PLXNA4: variants seen among roughly 807,000 people sequenced by gnomAD.
PLXNA4 encodes the protein plexin-A4.
PLXNA4 carries 44 observed loss-of-function variants against 191.8 expected under a neutral mutation model. The ratio of observed to expected loss-of-function variants is 0.23; its 90% CI spans 0.18 to 0.29. PLXNA4 has a LOEUF of 0.29. PLXNA4 is among the 10% of genes least tolerant of loss of function. PLXNA4 has a pLI of 1.00. For synonymous variants in PLXNA4, 1,082 were observed against 1,009.5 expected, an observed-to-expected ratio of 1.07 and a Z score of -1.36; for missense variants, 1,800 against 2,488.8, an observed-to-expected ratio of 0.72 and a Z score of 5.89.
chr7:132,416,972 G>A (rs368954135), intron 3 of PLXNA4, among the ~76,000 whole-genome samples: 2 of 151,848 alleles, frequency 1.3e-5, no homozygotes, highest in African/African-American at 4.8e-5. Flanking sequence ...AAATTCAACT[G>A]CATTTCAGAT....
At chr7:132,634,905 G>A (rs1440119088) in intron 2 of PLXNA4, among the ~76,000 whole-genome samples, 1 of 152,102 alleles carries the variant, frequency 6.6e-6, no homozygotes. Flanking sequence ...GGAAAGGCAG[G>A]CCCACCCTTA....
At chr7:132,136,633 T>C (rs997990509) in intron 30 of PLXNA4, among the ~76,000 whole-genome samples, 2 of 152,170 alleles carry the variant, frequency 1.3e-5, no homozygotes, top group African/African-American at 4.8e-5. Context: ...TCTGTGGATT[T>C]CTATGGGGTA....
At chr7:132,323,999 G>A (rs1584992479) in intron 3 of PLXNA4, among the ~76,000 whole-genome samples, 1 of 152,122 alleles carries the variant, frequency 6.6e-6, no homozygotes, top group Non-Finnish European at 1.5e-5. Flanking sequence ...GGACCATACC[G>A]AGCTAGGCAG....
chr7:132,568,887 C>T (rs1801851451), intron 1 of PLXNA4, among the ~76,000 whole-genome samples: 2 of 152,214 alleles, frequency 1.3e-5, no homozygotes, highest in African/African-American at 4.8e-5. Flanking sequence ...GTGACGCTTT[C>T]TGCTGTTCCT....
chr7:132,170,432 A>AG (rs1217585936), intron 21 of PLXNA4, among the ~76,000 whole-genome samples: 1 of 152,174 alleles, frequency 6.6e-6, no homozygotes, highest in African/African-American at 2.4e-5. Context: ...GGGTATGAAA[A>AG]GCTGATGCAC....
intron 4 of PLXNA4, among the ~76,000 whole-genome samples, chr7:132,260,946 T>C (rs1799619130): frequency 6.6e-6 from 1 of 151,104 alleles, no homozygotes; most frequent in African/African-American, 2.5e-5. Flanking sequence ...TGGTTGGGAA[T>C]GTTGATAGTG....
At chr7:132,537,506 C>G (rs1251067083) in intron 1 of PLXNA4, among the ~76,000 whole-genome samples, 1 of 152,186 alleles carries the variant, frequency 6.6e-6, no homozygotes, top group African/African-American at 2.4e-5. Flanking sequence ...GTTCCTATTT[C>G]AAAAAAGTTA....
intron 2 of PLXNA4, among the ~76,000 whole-genome samples, chr7:132,638,638 C>G (rs1803656874): frequency 6.6e-6 from 1 of 151,854 alleles, no homozygotes; most frequent in Non-Finnish European, 1.5e-5. Flanking sequence ...GGTGACAGAG[C>G]AAGACTCTGT....
rs777484132 is a variant in PLXNA4, at chr7:132,179,682, A to T, written c.3874+5T>A. 6.8e-6 allele frequency: 11 copies of T among 1,610,368 alleles called. No individual in the cohort carries two copies. Among genetic ancestry groups the T allele is most frequent in the Non-Finnish European group, 9.3e-6 (11 of 1,176,898 alleles). On this transcript the variant is annotated splice_donor_5th_base_variant and intron_variant, in intron 20 of 31. Transcript: ENST00000321063. Reference sequence around the variant, plus strand: ...CATGGCCTCCAGCATGGGGCCACTCAGTACCTTCCTTGCACTCCAGGGCCA... The same window carrying T: ...CATGGCCTCCAGCATGGGGCCACTCTGTACCTTCCTTGCACTCCAGGGCCA...
chr7:132,175,321 A>G (rs1290858193), intron 20 of PLXNA4, among the ~76,000 whole-genome samples: 1 of 152,128 alleles, frequency 6.6e-6, no homozygotes, highest in Non-Finnish European at 1.5e-5. Context: ...GCCATGAGGA[A>G]GAGTCCATTC....
At position 132,595,002 on chromosome 7, in the gene PLXNA4, TAGATAGATAGATAGATAGACAGACAGAC is replaced by T. The variant is rs199947773; in HGVS notation, c.-87+50898_-87+50925del. 1.1e-4 allele frequency among the ~76,000 whole-genome samples: 16 copies of T among 142,156 alleles called. No homozygotes were observed. In the South Asian group the frequency reaches 1.6e-3, roughly 14 times the overall value. The allele number at this position is 142,156 out of a possible 152,430, so 93.3% of individuals were successfully genotyped here. A position where few individuals can be genotyped will look rare whatever the true frequency, so the allele number is the denominator to read the frequency against. The stretch of plus-strand genomic sequence containing the variant: ...ATAGATAGATAGATAGATAGATAGA[TAGATAGATAGATAGATAGACAGACAGAC>T]AGACAGACAGACAGATAGATAGAGA... On this transcript the variant is annotated intron_variant, in intron 2 of 4. Transcript: ENST00000378539.
intron 21 of PLXNA4, among the ~76,000 whole-genome samples, chr7:132,173,511 T>C (rs762735506): frequency 5.3e-5 from 8 of 152,050 alleles, no homozygotes; most frequent in Non-Finnish European, 8.8e-5. Flanking sequence ...AAAGGGAGCC[T>C]CCTCCAGATA....
chr7:132,242,612 G>C (rs934582360), intron 4 of PLXNA4, among the ~76,000 whole-genome samples: 1 of 151,968 alleles, frequency 6.6e-6, no homozygotes, highest in Non-Finnish European at 1.5e-5. Flanking sequence ...ACCACACTGC[G>C]CTTTCACTTC....
At chr7:132,301,194 G>A (rs1310783537) in intron 3 of PLXNA4, among the ~76,000 whole-genome samples, 1 of 152,094 alleles carries the variant, frequency 6.6e-6, no homozygotes, top group Non-Finnish European at 1.5e-5. Flanking sequence ...GAAAACCAAA[G>A]AAAAGCATTA....
chr7:132,588,229 C>T (rs1310660934), intron 2 of PLXNA4, among the ~76,000 whole-genome samples: 3 of 152,158 alleles, frequency 2.0e-5, no homozygotes, highest in African/African-American at 7.2e-5. Context: ...TGCCTAACTA[C>T]ACTGTGGACA....
intron 3 of PLXNA4, chr7:132,384,231 T>A (rs566447492): frequency 1.4e-5 from 14 of 985,340 alleles, no homozygotes; most frequent in Non-Finnish European, 1.7e-5. Context: ...AGTGTGGTGG[T>A]TCTTAGCAAC....
At chr7:132,601,223 A>T (rs1007569614) in intron 2 of PLXNA4, among the ~76,000 whole-genome samples, 1 of 152,208 alleles carries the variant, frequency 6.6e-6, no homozygotes, top group Non-Finnish European at 1.5e-5. Flanking sequence ...TAATGTAAAA[A>T]AATACATATC....
chr7:132,278,945 C>T (rs937789076), intron 4 of PLXNA4, among the ~76,000 whole-genome samples: 14 of 152,156 alleles, frequency 9.2e-5, no homozygotes, highest in Non-Finnish European at 1.6e-4. Context: ...GGAGAGGCCA[C>T]TGCAAAGGGA....
chr7:132,222,998 A>C (rs1363254296), intron 9 of PLXNA4, among the ~76,000 whole-genome samples: 1 of 152,202 alleles, frequency 6.6e-6, no homozygotes, highest in Non-Finnish European at 1.5e-5. Context: ...TCGTGTTTCT[A>C]GCAAGTTCTC....
Sources: allele counts gnomAD v4.1 joint callset (sites outside exome capture counted in the v4.1 genomes callset), GRCh38; gene constraint gnomAD v4.1.1; transcripts MANE v1.5; gene names NCBI Gene and HGNC (gene_info 2026-07-23, HGNC 2026-07-21).